The following WDR7 variants were observed in gnomAD, a reference collection of about 807,000 sequenced individuals.
The protein encoded by WDR7 is WD repeat domain 7.
A neutral mutation model predicts 169.4 loss-of-function variants in WDR7; 46 were observed. That is an observed-to-expected ratio of 0.27 (90% CI 0.21 to 0.35). The LOEUF is 0.35. Ranked by LOEUF, WDR7 falls within the 10% of genes least tolerant of loss-of-function variation. The pLI is 1.00. For synonymous variants in WDR7, 612 were observed against 666.8 expected (o/e 0.92, Z 1.27); for missense variants, 1,534 against 1,859.3 (o/e 0.83, Z 3.22).
chr18:56,679,966 T>C (rs2025321182), intron 3 of WDR7, among the ~76,000 whole-genome samples: 1 of 152,202 alleles, frequency 6.6e-6, no homozygotes, highest in Non-Finnish European at 1.5e-5. Flanking sequence ...TAAAAAGATT[T>C]ACAAACAGTT....
At chr18:56,806,150 T>G (rs540484381) in intron 19 of WDR7, among the ~76,000 whole-genome samples, 42 of 152,352 alleles carry the variant, frequency 2.8e-4, no homozygotes, top group African/African-American at 9.4e-4. Context: ...TATTCATTGA[T>G]AAATCTGTAT....
In WDR7 at chr18:56,696,229, C is replaced by T; in HGVS notation, c.1358-13C>T. ...TTAATTTTCCCATTTTAAATCCAAA[C>T]CCTCATTCACAGGTTGGCCACCTCA... is the stretch of plus-strand genomic sequence containing the variant. On this transcript the variant is annotated splice_polypyrimidine_tract_variant and intron_variant, in intron 11 of 27. Transcript: ENST00000254442. 1.3e-6 allele frequency: 2 copies of T among 1,588,068 alleles called. No homozygotes were observed. The highest frequency in any genetic ancestry group is 1.3e-5 in the African/African-American group (1 of 74,138).
chr18:56,744,637 T>C (rs1426629193), intron 14 of WDR7, among the ~76,000 whole-genome samples: 2 of 152,104 alleles, frequency 1.3e-5, no homozygotes, highest in African/African-American at 4.8e-5. Context: ...TGCCCCATGA[T>C]AGTGGTTCCC....
At chr18:56,799,465 T>C (rs1568201853) in intron 19 of WDR7, among the ~76,000 whole-genome samples, 1 of 152,178 alleles carries the variant, frequency 6.6e-6, no homozygotes, top group Non-Finnish European at 1.5e-5. Flanking sequence ...TACTTGTTAC[T>C]GATACTCTAT....
chr18:56,971,963 T>C (rs190492932), intron 26 of WDR7, among the ~76,000 whole-genome samples: 3 of 152,240 alleles, frequency 2.0e-5, no homozygotes, highest in East Asian at 3.8e-4. Context: ...ATGAGTAATA[T>C]AGATGTTGTA....
chr18:56,727,174 A>AT (rs1196121162), intron 13 of WDR7, among the ~76,000 whole-genome samples: 1 of 152,086 alleles, frequency 6.6e-6, no homozygotes, highest in Non-Finnish European at 1.5e-5. Context: ...CCTTACATCT[A>AT]TTTTTTTCCC....
chr18:56,973,067 C>T (rs1367767792), intron 26 of WDR7, among the ~76,000 whole-genome samples: 1 of 152,104 alleles, frequency 6.6e-6, no homozygotes, highest in Non-Finnish European at 1.5e-5. Flanking sequence ...GGGGTTTCAC[C>T]ATGTTGGCCA....
intron 14 of WDR7, among the ~76,000 whole-genome samples, chr18:56,755,728 G>C (rs1407002665): frequency 6.6e-6 from 1 of 152,206 alleles, no homozygotes; most frequent in Non-Finnish European, 1.5e-5. Context: ...TTCCCATGTA[G>C]GGGGAAGAGT....
intron 13 of WDR7, among the ~76,000 whole-genome samples, chr18:56,727,694 T>G (rs2026490701): frequency 6.6e-6 from 1 of 152,206 alleles, no homozygotes; most frequent in Non-Finnish European, 1.5e-5. Context: ...AGGTGAGATT[T>G]GGGTGGTGAC....
chr18:56,676,723 T>C (rs2025252286), intron 2 of WDR7, among the ~76,000 whole-genome samples: 1 of 152,012 alleles, frequency 6.6e-6, no homozygotes, highest in African/African-American at 2.4e-5. Flanking sequence ...TTTGGTTTTT[T>C]TTTTGGGAGA....
rs527748881 is a variant in WDR7 at position 56,773,924 on chromosome 18, C to A, written c.2849-2858C>A. Reference sequence around the variant, plus strand: ...TTCCTTCTTCTCTCCCCTCACCCACCCTCCCCATAACATCGTGATTACCAT... The same window carrying A: ...TTCCTTCTTCTCTCCCCTCACCCACACTCCCCATAACATCGTGATTACCAT... On this transcript the variant is annotated intron_variant, in intron 16 of 27. Coordinates refer to ENST00000254442, the MANE Select transcript of WDR7 (RefSeq NM_015285.3). 6.1e-4 allele frequency among the ~76,000 whole-genome samples: 93 copies of A among 152,056 alleles called. 1 individual carries two copies. Among genetic ancestry groups the A allele is most frequent in the South Asian group, 8.3e-4 (4 of 4,808 alleles).
At chr18:56,710,763 T>C (rs1299903460) in intron 12 of WDR7, among the ~76,000 whole-genome samples, 1 of 152,226 alleles carries the variant, frequency 6.6e-6, no homozygotes, top group Non-Finnish European at 1.5e-5. Context: ...TAGTTACTTA[T>C]ATGCTTCAGT....
At chr18:56,954,416 T>C (rs1338087814) in intron 25 of WDR7, among the ~76,000 whole-genome samples, 2 of 152,074 alleles carry the variant, frequency 1.3e-5, no homozygotes, top group Admixed American at 6.6e-5. Context: ...TCTACTGACA[T>C]GGAAAGATGT....
chr18:56,702,982 T>A (rs976174257), intron 12 of WDR7, among the ~76,000 whole-genome samples: 1 of 152,240 alleles, frequency 6.6e-6, no homozygotes. Flanking sequence ...ACCAGTGATA[T>A]GTTTCTACAT....
chr18:56,716,697 C>A (rs2026199792), intron 12 of WDR7, among the ~76,000 whole-genome samples: 1 of 152,130 alleles, frequency 6.6e-6, no homozygotes, highest in Non-Finnish European at 1.5e-5. Context: ...AAAGTGTGTT[C>A]ATCTAAAACT....
chr18:56,895,383 T>C (rs1423439180), intron 21 of WDR7, among the ~76,000 whole-genome samples: 2 of 151,934 alleles, frequency 1.3e-5, no homozygotes, highest in Non-Finnish European at 2.9e-5. Context: ...GTAGGCATTT[T>C]GTCATAGGAG....
intron 3 of WDR7, among the ~76,000 whole-genome samples, chr18:56,679,741 T>C (rs1001514848): frequency 4.6e-5 from 7 of 152,188 alleles, no homozygotes; most frequent in Non-Finnish European, 8.8e-5. Flanking sequence ...TTTTATTGAG[T>C]TGCCAGACAA....
intron 16 of WDR7, among the ~76,000 whole-genome samples, chr18:56,762,504 A>C (rs1204666166): frequency 6.6e-6 from 1 of 151,726 alleles, no homozygotes; most frequent in South Asian, 2.1e-4. Context: ...GTTAAGTAGT[A>C]CATATTTAGG....
In WDR7 at chr18:57,027,376, G is replaced by T. The variant is rs1445618906; in HGVS notation, c.*169G>T. On this transcript the variant is annotated 3_prime_UTR_variant, in exon 28 of 28. Transcript: ENST00000254442. ...TGCATGCTTCTCAGGGGCAGAACCC[G>T]CTCGTGCCATCTGTCGATTCAGAGG... 1 of 776,760 alleles carries T rather than the reference G, an allele frequency of 1.3e-6. No homozygotes were observed. Among genetic ancestry groups the T allele is most frequent in the South Asian group, 1.8e-5 (1 of 54,416 alleles). 48.1% of individuals were successfully genotyped at this position (776,760 alleles called of 1,614,324 possible). A position where few individuals can be genotyped will look rare whatever the true frequency, so the allele number is the denominator to read the frequency against.
Sources: allele counts gnomAD v4.1 joint callset (sites outside exome capture counted in the v4.1 genomes callset), GRCh38; gene constraint gnomAD v4.1.1; transcripts MANE v1.5; gene names NCBI Gene and HGNC (gene_info 2026-07-23, HGNC 2026-07-21).